Variants in DENND4A observed in about 807,000 individuals in gnomAD.
DENND4A encodes C-myc promoter-binding protein.
A neutral mutation model predicts 199.3 loss-of-function variants in DENND4A; 70 were observed. That is an observed-to-expected ratio of 0.35 (90% CI 0.29 to 0.43). DENND4A has a LOEUF of 0.43. Among genes scored for constraint, DENND4A ranks in the 20% least tolerant of loss-of-function variants. The pLI, the probability that DENND4A is intolerant of heterozygous loss-of-function variation, is 1.00. For missense variants in DENND4A, 1,723 were observed against 2,255.8 expected (o/e 0.76, Z 4.78); for synonymous variants, 686 against 766.9 (o/e 0.89, Z 1.74).
At chr15:65,733,838 AT>A (rs1324044560) in intron 7 of DENND4A, among the ~76,000 whole-genome samples, 1 of 152,252 alleles carries the variant, frequency 6.6e-6, no homozygotes, top group Non-Finnish European at 1.5e-5. Flanking sequence ...GGTTAAATAG[AT>A]TAAGGGTTGT....
At chr15:65,680,253 T>C in intron 23 of DENND4A, among the ~76,000 whole-genome samples, 1 of 152,230 alleles carries the variant, frequency 6.6e-6, no homozygotes, top group African/African-American at 2.4e-5. Flanking sequence ...CTATACTTTC[T>C]GTATTCAGGC....
intron 12 of DENND4A, chr15:65,719,183 T>C (rs2140290235): frequency 6.6e-6 from 1 of 152,306 alleles, no homozygotes; most frequent in East Asian, 1.9e-4. Context: ...TTTTTCAAAG[T>C]GGCAGTGACA....
chr15:65,689,018 T>C (rs72741229), intron 23 of DENND4A, among the ~76,000 whole-genome samples: 33,034 of 152,142 alleles, frequency 0.22, 4,132 homozygotes, highest in African/African-American at 0.34. Flanking sequence ...ACAGTTATTT[T>C]CTTTCAGCAC....
intron 20 of DENND4A, among the ~76,000 whole-genome samples, chr15:65,698,354 C>T (rs1387783795): frequency 1.3e-5 from 2 of 152,180 alleles, no homozygotes; most frequent in African/African-American, 2.4e-5. Flanking sequence ...TTTAGAAAAT[C>T]GTTTTCACCA....
chr15:65,740,966 C>G (rs765570480), intron 5 of DENND4A, among the ~76,000 whole-genome samples: 6 of 151,814 alleles, frequency 4.0e-5, no homozygotes, highest in Admixed American at 1.3e-4. Context: ...CGTACCCCCC[C>G]CAAAAAAAAT....
rs1472420229 is a variant in DENND4A at position 65,731,495 on chromosome 15, C to A, written c.1166+147G>T. On this transcript the variant is annotated intron_variant, in intron 9 of 32. Coordinates refer to ENST00000443035, the MANE Select transcript of DENND4A (RefSeq NM_001320835.1). ...CCTTTTTTCATTAATAACTGCAACCCAAACATTAAGTAAAAGGAATTTAGA... is the reference window on the plus strand; with the variant it reads ...CCTTTTTTCATTAATAACTGCAACCAAAACATTAAGTAAAAGGAATTTAGA... 3 of 724,756 alleles carry A rather than the reference C, an allele frequency of 4.1e-6. No homozygotes were observed. In the African/African-American group the frequency reaches 5.3e-5, roughly 13 times the overall value. 44.9% of individuals were successfully genotyped at this position (724,756 alleles called of 1,614,324 possible). A position where few individuals can be genotyped will look rare whatever the true frequency, so the allele number is the denominator to read the frequency against.
chr15:65,695,112 G>A (rs2077099172), intron 22 of DENND4A, among the ~76,000 whole-genome samples: 1 of 152,134 alleles, frequency 6.6e-6, no homozygotes, highest in Non-Finnish European at 1.5e-5. Context: ...TAATGTTTCT[G>A]TTACAACAAT....
In DENND4A at chr15:65,700,533, C is replaced by A; in HGVS notation, c.2833+11G>T. The A allele has an allele frequency of 7.0e-7, 1 of 1,431,396 alleles. No homozygotes were observed. Among genetic ancestry groups the A allele is most frequent in the Admixed American group, 2.6e-5 (1 of 37,996 alleles). The allele number at this position is 1,431,396 out of a possible 1,614,324, so 88.7% of individuals were successfully genotyped here. A position where few individuals can be genotyped will look rare whatever the true frequency, so the allele number is the denominator to read the frequency against. ...GTACTATAATAAATGTATACATAAG[C>A]ATACACAAACCTGTACTAGATCTAT... On this transcript the variant is annotated intron_variant, in intron 20 of 32. Transcript: ENST00000443035.
intron 14 of DENND4A, among the ~76,000 whole-genome samples, chr15:65,713,401 G>A (rs562594552): frequency 7.6e-4 from 115 of 152,280 alleles, no homozygotes; most frequent in Middle Eastern, 3.4e-3. Flanking sequence ...TAACCTATTA[G>A]AGGAACACAA....
At chr15:65,663,188 A>AT in intron 32 of DENND4A, among the ~76,000 whole-genome samples, 1 of 123,098 alleles carries the variant, frequency 8.1e-6, no homozygotes, top group African/African-American at 3.5e-5. Flanking sequence ...ATATATATAT[A>AT]TATATATATA....
chr15:65,681,897 C>CT (rs2076590545), intron 23 of DENND4A, among the ~76,000 whole-genome samples: 1 of 152,196 alleles, frequency 6.6e-6, no homozygotes, highest in African/African-American at 2.4e-5. Flanking sequence ...TCTTGCATGA[C>CT]TAGGTGCATT....
At chr15:65,706,528 T>G (rs1017165744) in intron 14 of DENND4A, among the ~76,000 whole-genome samples, 1 of 148,684 alleles carries the variant, frequency 6.7e-6, no homozygotes, top group African/African-American at 2.5e-5. Context: ...GAGACAGTCT[T>G]GCTCTATCGC....
intron 4 of DENND4A, among the ~76,000 whole-genome samples, chr15:65,745,824 G>C (rs2076372344): frequency 6.6e-6 from 1 of 152,010 alleles, no homozygotes; most frequent in African/African-American, 2.4e-5. Flanking sequence ...GTAGGAAAGA[G>C]AACCATGGAT....
intron 1 of DENND4A, 47 bp downstream of exon 1, chr15:65,791,963 A>C (rs1242631196): frequency 1.3e-5 from 2 of 150,544 alleles, no homozygotes; most frequent in African/African-American, 4.9e-5. Flanking sequence ...CCGGGCCGTG[A>C]CAGCTCCACC....
intron 12 of DENND4A, among the ~76,000 whole-genome samples, chr15:65,720,947 T>TTTTATA (rs1435137020): frequency 2.1e-4 from 16 of 76,264 alleles, no homozygotes; most frequent in African/African-American, 7.9e-4. Flanking sequence ...GTTTCATTGA[T>TTTTATA]TATATATATA....
At chr15:65,712,707 T>C (rs1390881333) in intron 14 of DENND4A, among the ~76,000 whole-genome samples, 1 of 149,228 alleles carries the variant, frequency 6.7e-6, no homozygotes, top group Non-Finnish European at 1.5e-5. Flanking sequence ...AGGGATGAGT[T>C]GTATTTTGGC....
intron 1 of DENND4A, among the ~76,000 whole-genome samples, chr15:65,777,866 T>C (rs2077323639): frequency 6.6e-6 from 1 of 151,968 alleles, no homozygotes. Context: ...AAACCCTGTC[T>C]CAAATAAAAA....
chr15:65,771,020 C>T (rs1567096500), intron 1 of DENND4A, among the ~76,000 whole-genome samples: 1 of 152,126 alleles, frequency 6.6e-6, no homozygotes, highest in Non-Finnish European at 1.5e-5. Flanking sequence ...TTTAAAGGAG[C>T]CAGTAGGTCA....
At chr15:65,714,336 C>T (rs926052556) in intron 14 of DENND4A, among the ~76,000 whole-genome samples, 1 of 151,764 alleles carries the variant, frequency 6.6e-6, no homozygotes, top group Admixed American at 6.6e-5. Flanking sequence ...TGGTGTGAAC[C>T]TGGGAGGCGG....
Sources: allele counts gnomAD v4.1 joint callset (sites outside exome capture counted in the v4.1 genomes callset), GRCh38; gene constraint gnomAD v4.1.1; transcripts MANE v1.5; gene names NCBI Gene and HGNC (gene_info 2026-07-23, HGNC 2026-07-21).